The following FBXL7 variants were observed in gnomAD, a reference collection of about 807,000 sequenced individuals.
FBXL7 encodes F-box and leucine rich repeat protein 7, also known as F-box/LRR-repeat protein 7.
Under a neutral mutation model 38.3 loss-of-function variants are expected in FBXL7, and 12 were observed. The ratio of observed to expected loss-of-function variants is 0.31; its 90% CI spans 0.20 to 0.51. The LOEUF (loss-of-function observed/expected upper bound fraction) is 0.51. Among genes scored for constraint, FBXL7 ranks in the 20% least tolerant of loss-of-function variants. The pLI is 0.98. For synonymous variants in FBXL7, 297 were observed against 300.9 expected (o/e 0.99, Z 0.13); for missense variants, 567 against 676.4 (o/e 0.84, Z 1.79).
At position 15,756,275 on chromosome 5, in the gene FBXL7, C is replaced by T. The variant is rs141039345; in HGVS notation, c.127+140203C>T. ...CTTTATACATGATATTTAACAATTC[C>T]TTATATTAAGAGGAAGCAAAAAAGC... On this transcript the variant is annotated intron_variant, in intron 2 of 3. Transcript: ENST00000504595. 3.6e-3 allele frequency among the ~76,000 whole-genome samples: 548 copies of T among 152,058 alleles called. 4 individuals carry two copies. The highest frequency in any genetic ancestry group is 0.012 in the African/African-American group (508 of 41,468).
At chr5:15,664,459 T>C (rs1443073498) in intron 2 of FBXL7, among the ~76,000 whole-genome samples, 1 of 150,310 alleles carries the variant, frequency 6.7e-6, no homozygotes, top group East Asian at 2.0e-4. Context: ...TTTTCTCTTT[T>C]TTTCTTTTCC....
At chr5:15,555,218 A>G (rs1179689076) in intron 1 of FBXL7, among the ~76,000 whole-genome samples, 1 of 152,220 alleles carries the variant, frequency 6.6e-6, no homozygotes, top group Non-Finnish European at 1.5e-5. Flanking sequence ...AGACAGACAC[A>G]CACACCCCCC....
intron 2 of FBXL7, among the ~76,000 whole-genome samples, chr5:15,773,650 T>C (rs940256293): frequency 8.6e-5 from 13 of 152,010 alleles, no homozygotes; most frequent in Non-Finnish European, 1.6e-4. Context: ...CTCAAAAAAA[T>C]TTTTTTTCCA....
chr5:15,682,963 G>C (rs1489643980), intron 2 of FBXL7, among the ~76,000 whole-genome samples: 1 of 152,176 alleles, frequency 6.6e-6, no homozygotes, highest in Non-Finnish European at 1.5e-5. Flanking sequence ...AGAGCTTTAG[G>C]TAATGTCCAG....
intron 1 of FBXL7, among the ~76,000 whole-genome samples, chr5:15,504,856 C>T (rs925228958): frequency 4.6e-5 from 7 of 152,158 alleles, no homozygotes; most frequent in African/African-American, 1.4e-4. Flanking sequence ...GTTTCTGAGC[C>T]TCACCATCAC....
chr5:15,882,347 C>T (rs978072046), intron 2 of FBXL7, among the ~76,000 whole-genome samples: 2 of 152,198 alleles, frequency 1.3e-5, no homozygotes, highest in African/African-American at 4.8e-5. Context: ...GCCAGGTCAT[C>T]TGGAGCTGCT....
At chr5:15,520,623 A>G (rs1737070743) in intron 1 of FBXL7, among the ~76,000 whole-genome samples, 2 of 152,228 alleles carry the variant, frequency 1.3e-5, no homozygotes, top group Admixed American at 1.3e-4. Flanking sequence ...CGAAAAAGAT[A>G]GCTGAATTAA....
chr5:15,824,436 T>A, intron 2 of FBXL7, among the ~76,000 whole-genome samples: 1 of 152,200 alleles, frequency 6.6e-6, no homozygotes, highest in East Asian at 1.9e-4. Context: ...CAGTCTGTGA[T>A]GCCAACGTTT....
chr5:15,894,808 C>T (rs1327227322), intron 2 of FBXL7, among the ~76,000 whole-genome samples: 1 of 152,176 alleles, frequency 6.6e-6, no homozygotes, highest in Admixed American at 6.5e-5. Flanking sequence ...CTACACCCAA[C>T]TCAATTCTAG....
intron 1 of FBXL7, among the ~76,000 whole-genome samples, chr5:15,608,250 A>C (rs1740097259): frequency 6.6e-6 from 1 of 152,162 alleles, no homozygotes; most frequent in African/African-American, 2.4e-5. Flanking sequence ...TTTACCTGCC[A>C]GGGTTCATTT....
At chr5:15,869,511 C>T (rs1209655590) in intron 2 of FBXL7, among the ~76,000 whole-genome samples, 1 of 152,194 alleles carries the variant, frequency 6.6e-6, no homozygotes, top group Non-Finnish European at 1.5e-5. Context: ...CATCTTCCCT[C>T]TTAATGCTTT....
At chr5:15,544,933 A>C (rs1197361878) in intron 1 of FBXL7, among the ~76,000 whole-genome samples, 3 of 152,202 alleles carry the variant, frequency 2.0e-5, no homozygotes, top group Admixed American at 6.5e-5. Context: ...ATACCAAGGT[A>C]AGACCTTCTA....
chr5:15,587,723 C>T (rs1056529484), intron 1 of FBXL7, among the ~76,000 whole-genome samples: 2 of 152,052 alleles, frequency 1.3e-5, no homozygotes, highest in Admixed American at 1.3e-4. Context: ...TTTGTTTTAA[C>T]ATAGATTGGA....
chr5:15,522,685 G>C (rs1580350380), intron 1 of FBXL7, among the ~76,000 whole-genome samples: 1 of 152,330 alleles, frequency 6.6e-6, no homozygotes, highest in South Asian at 2.1e-4. Context: ...GCTGAGTATA[G>C]TTTTATGATG....
intron 2 of FBXL7, among the ~76,000 whole-genome samples, chr5:15,777,274 C>G (rs1186588436): frequency 2.0e-5 from 3 of 152,080 alleles, no homozygotes; most frequent in African/African-American, 7.2e-5. Flanking sequence ...TACAATATGA[C>G]TCCTCCACTA....
At chr5:15,595,972 A>C (rs534699695) in intron 1 of FBXL7, among the ~76,000 whole-genome samples, 1 of 152,216 alleles carries the variant, frequency 6.6e-6, no homozygotes, top group East Asian at 1.9e-4. Flanking sequence ...ACATGAAATA[A>C]CAAGATCGCA....
rs145120784 is a variant in FBXL7 at position 15,598,175 on chromosome 5, C to A, written c.38-17808C>A. Among the ~76,000 whole-genome samples the A allele has an allele frequency of 2.0e-3, 309 of 152,242 alleles. 7 individuals are homozygous for A. The East Asian group carries it at 0.052, about 26-fold the overall frequency. ...AAAGTTTTTCAAAGAGGAAAGAGAC[C>A]TACCAGGTCATCTGTTTATTACCCA... On this transcript the variant is annotated intron_variant, in intron 1 of 3. Coordinates refer to ENST00000504595, the MANE Select transcript of FBXL7 (RefSeq NM_012304.5).
rs758073185 is a variant in FBXL7 at position 15,936,854 on chromosome 5, A to G, written c.1144A>G (p.Asn382Asp). 6.2e-7 allele frequency: 1 copy of G among 1,613,732 alleles called. No individual in the cohort carries two copies. Among genetic ancestry groups the G allele is most frequent in the African/African-American group, 1.3e-5 (1 of 74,932 alleles). The change falls in exon 4 of 4, where the codon AAC becomes GAC. Residue 382 changes from asparagine to aspartate, a missense_variant. Coordinates refer to ENST00000504595, the MANE Select transcript of FBXL7 (RefSeq NM_012304.5). The surrounding 1 kb of genome is among the most constrained non-coding windows in gnomAD (Gnocchi z 6.0). ...GTACTGCAGCAAGCTGCGCTACCTC[A>G]ACGCGAGGGGCTGCGAGGGCATCAC... ...AKYCSKLRYL[N>D]ARGCEGITDH...
intron 1 of FBXL7, among the ~76,000 whole-genome samples, chr5:15,574,610 T>C (rs1018518622): frequency 2.0e-5 from 3 of 152,210 alleles, no homozygotes; most frequent in African/African-American, 4.8e-5. Context: ...TATACATGAA[T>C]ATAGCTCTGT....
Sources: gnomAD v4.1 joint callset for allele counts (sites outside exome capture counted in the v4.1 genomes callset) on GRCh38, gnomAD v4.1.1 for gene constraint, Gnocchi (gnomAD v3.1) non-coding constraint, MANE v1.5 for transcripts, NCBI Gene and HGNC (gene_info 2026-07-23, HGNC 2026-07-21) for gene names.